Variants in XPO5 observed in about 807,000 individuals in gnomAD.
The protein encoded by XPO5 is exportin-5.
XPO5 carries 46 observed loss-of-function variants against 160.6 expected under a neutral mutation model. That is an observed-to-expected ratio of 0.29 (90% confidence interval 0.23 to 0.37). The LOEUF is 0.37. Among genes scored for constraint, XPO5 ranks in the 10% least tolerant of loss-of-function variants. The pLI is 1.00. For synonymous variants in XPO5, 537 were observed against 519.3 expected, an observed-to-expected ratio of 1.03 and a Z score of -0.46; for missense variants, 1,090 against 1,463.9, an observed-to-expected ratio of 0.74 and a Z score of 4.17.
intron 22 of XPO5, 63 bp downstream of exon 22, chr6:43,531,416 T>C (rs906377212): frequency 6.0e-6 from 9 of 1,488,826 alleles, no homozygotes; most frequent in African/African-American, 4.1e-5. Context: ...GTCCAACCCA[T>C]GGACATTCCT....
At chr6:43,563,315 T>G (rs1356990321) in intron 8 of XPO5, among the ~76,000 whole-genome samples, 1 of 152,138 alleles carries the variant, frequency 6.6e-6, no homozygotes, top group Non-Finnish European at 1.5e-5. Context: ...TTTGATTTTT[T>G]GTAGGGATGA....
chr6:43,541,939 C>A (rs1005753544), intron 20 of XPO5, among the ~76,000 whole-genome samples: 3 of 152,112 alleles, frequency 2.0e-5, no homozygotes, highest in Non-Finnish European at 2.9e-5. Context: ...ACCACCACGC[C>A]TGGCTAATTT....
At chr6:43,539,021 C>A (rs1794523779) in intron 20 of XPO5, 1 of 1,548,756 alleles carries the variant, frequency 6.5e-7, no homozygotes, top group Admixed American at 1.7e-5. Context: ...GGCAGTGCAG[C>A]CCTGGGCTGA....
At chr6:43,567,399 A>G (rs1206011905) in intron 6 of XPO5, 45 bp from the exon 7 acceptor site, 1 of 1,528,544 alleles carries the variant, frequency 6.5e-7, no homozygotes, top group East Asian at 2.3e-5. Flanking sequence ...CCTCGGTAAC[A>G]GGTAAGGAAT....
chr6:43,538,907 T>G, intron 20 of XPO5: 1 of 1,218,322 alleles, frequency 8.2e-7, no homozygotes, highest in South Asian at 1.2e-5. Flanking sequence ...GAATTCCTGA[T>G]AGGGAGACTT....
intron 1 of XPO5, 121 bp downstream of exon 1, chr6:43,575,639 T>A: frequency 1.2e-6 from 1 of 803,676 alleles, no homozygotes; most frequent in East Asian, 2.9e-5. Context: ...TCCCGGGGAG[T>A]TGGGAAAGGA....
At chr6:43,559,893 G>A (rs1036641441) in intron 11 of XPO5, among the ~76,000 whole-genome samples, 5 of 151,940 alleles carry the variant, frequency 3.3e-5, no homozygotes, top group Non-Finnish European at 7.4e-5. Context: ...TCAGCTCAAT[G>A]CAGCTTCAAC....
Position 43,543,971 on chromosome 6 carries a change from C to T in XPO5, c.2342+2600G>A, listed in dbSNP as rs184000629. 2.5e-3 allele frequency among the ~76,000 whole-genome samples: 386 copies of T among 152,260 alleles called. 3 individuals carry two copies. Among genetic ancestry groups the T allele is most frequent in the African/African-American group, 8.7e-3 (360 of 41,554 alleles). On this transcript the variant is annotated intron_variant, in intron 20 of 31. Transcript: ENST00000265351. The stretch of plus-strand genomic sequence containing the variant: ...GGATTATAGGCATGAGCTACCGCGC[C>T]CAGCCAATAAAATTTACTAAAAAAG...
chr6:43,560,331 A>T, intron 10 of XPO5, 28 bp from the exon 11 acceptor site: 1 of 1,572,920 alleles, frequency 6.4e-7, no homozygotes, highest in South Asian at 1.2e-5. Flanking sequence ...AGAAAACGTC[A>T]AAGGATTTGG....
chr6:43,550,900 C>T (rs1460239987), intron 15 of XPO5: 1 of 155,282 alleles, frequency 6.4e-6, no homozygotes, highest in Non-Finnish European at 1.4e-5. Flanking sequence ...CTAATACTCT[C>T]CTTTATACAA....
intron 20 of XPO5, among the ~76,000 whole-genome samples, chr6:43,542,179 G>A (rs1025104833): frequency 6.6e-6 from 1 of 151,836 alleles, no homozygotes; most frequent in African/African-American, 2.4e-5. Context: ...TCTCTAAGGA[G>A]CTTTCCAGAG....
rs990717056 is a variant in XPO5 at position 43,530,563 on chromosome 6, C to T, written c.2677+125G>A. 20 of 1,175,690 alleles carry T rather than the reference C, an allele frequency of 1.7e-5. No homozygotes were observed. The East Asian group carries it at 4.2e-4, about 25-fold the overall frequency. 72.8% of individuals were successfully genotyped at this position (1,175,690 alleles called of 1,614,324 possible). The stretch of plus-strand genomic sequence containing the variant: ...CCAGTGTTTTTAATGACATGATACA[C>T]TTAGATACATAATCTCATCTCTTCC... On this transcript the variant is annotated intron_variant, in intron 23 of 31. Coordinates refer to ENST00000265351, the MANE Select transcript of XPO5 (RefSeq NM_020750.3).
chr6:43,530,632 T>G (rs776404486), intron 23 of XPO5, 56 bp downstream of exon 23: 1 of 1,595,478 alleles, frequency 6.3e-7, no homozygotes, highest in African/African-American at 1.4e-5. Context: ...ACCTGTTTTG[T>G]TTCTCTCTCT....
At chr6:43,552,696 T>C (rs886539038) in intron 14 of XPO5, among the ~76,000 whole-genome samples, 1 of 152,186 alleles carries the variant, frequency 6.6e-6, no homozygotes, top group Non-Finnish European at 1.5e-5. Flanking sequence ...TTGGATTATA[T>C]CTTTTGTCTA....
chr6:43,524,177 C>T lies in XPO5; in HGVS notation c.3478-172G>A, dbSNP rs111313756. Among the ~76,000 whole-genome samples the T allele has an allele frequency of 3.7e-4, 57 of 152,194 alleles. 1 individual carries two copies. The highest frequency in any genetic ancestry group is 3.4e-3 in the Middle Eastern group (1 of 294). Reference sequence around the variant, plus strand: ...GACCAGCCTGACCGACATGGAGAAACCCCGTCTCTACTAAAAATACAAAAA... The same window carrying T: ...GACCAGCCTGACCGACATGGAGAAATCCCGTCTCTACTAAAAATACAAAAA... On this transcript the variant is annotated intron_variant, in intron 31 of 31. Coordinates refer to ENST00000265351, the MANE Select transcript of XPO5 (RefSeq NM_020750.3).
chr6:43,533,086 G>C (rs1165865059), intron 21 of XPO5, among the ~76,000 whole-genome samples: 1 of 152,154 alleles, frequency 6.6e-6, no homozygotes, highest in Non-Finnish European at 1.5e-5. Context: ...AGTGAGCTGA[G>C]ATTGCACCAC....
In XPO5 at chr6:43,523,561, A is replaced by T; in HGVS notation, c.*307T>A. 1 of 543,912 alleles carries T rather than the reference A, an allele frequency of 1.8e-6. No individual in the cohort carries two copies. The highest frequency in any genetic ancestry group is 3.6e-6 in the Non-Finnish European group (1 of 279,486). 33.7% of individuals were successfully genotyped at this position (543,912 alleles called of 1,614,324 possible). On this transcript the variant is annotated 3_prime_UTR_variant, in exon 32 of 32. Coordinates refer to ENST00000265351, the MANE Select transcript of XPO5 (RefSeq NM_020750.3). ...AGGTATGTGGCTGCACGGGGGTGGG[A>T]GGGCTTGTGGGAGAAGGGCTGCTCT...
chr6:43,525,944 T>A, intron 27 of XPO5, 23 bp from the exon 28 acceptor site: 1 of 1,612,396 alleles, frequency 6.2e-7, no homozygotes, highest in African/African-American at 1.3e-5. Flanking sequence ...AGTAGAATGT[T>A]AAGCTCCATC....
intron 19 of XPO5, 145 bp downstream of exon 19, chr6:43,547,463 A>G (rs1390832282): frequency 1.3e-6 from 1 of 746,120 alleles, no homozygotes; most frequent in Admixed American, 2.0e-5. Context: ...ACTAAAGAAG[A>G]AAAGAAAGGA....
Sources: allele counts gnomAD v4.1 joint callset (sites outside exome capture counted in the v4.1 genomes callset), GRCh38; gene constraint gnomAD v4.1.1; transcripts MANE v1.5; gene names NCBI Gene and HGNC (gene_info 2026-07-23, HGNC 2026-07-21).